The following DACH1 variants were observed in gnomAD, a reference collection of about 807,000 sequenced individuals.
The protein encoded by DACH1 is dachshund family transcription factor 1.
In DACH1, 12 loss-of-function variants were observed where a neutral mutation model predicts 54.2. The observed-to-expected ratio is 0.22, with a 90% CI of 0.14 to 0.36. The LOEUF (loss-of-function observed/expected upper bound fraction) is 0.36, where lower values mean the gene tolerates loss of function less well. Ranked by LOEUF, DACH1 falls within the 10% of genes least tolerant of loss-of-function variation. The probability of loss-of-function intolerance (pLI) is 1.00; values close to 1 mark genes in which losing one functional copy is unlikely to be tolerated. For missense variants in DACH1, 805 were observed against 929.8 expected, an observed-to-expected ratio of 0.87 and a Z score of 1.75; for synonymous variants, 386 against 366.2, an observed-to-expected ratio of 1.05 and a Z score of -0.62.
At chr13:71,839,936 C>G (rs934244010) in intron 1 of DACH1, among the ~76,000 whole-genome samples, 1 of 151,762 alleles carries the variant, frequency 6.6e-6, no homozygotes, top group Non-Finnish European at 1.5e-5. Flanking sequence ...CCACTAAAGC[C>G]GTATTTATTT....
chr13:71,441,702 C>G (rs1284804339), intron 10 of DACH1, among the ~76,000 whole-genome samples: 1 of 151,910 alleles, frequency 6.6e-6, no homozygotes, highest in Non-Finnish European at 1.5e-5. Flanking sequence ...AAAAGATAGT[C>G]TAAATATTTA....
chr13:71,629,002 A>G (rs1245605120), intron 3 of DACH1, among the ~76,000 whole-genome samples: 5 of 152,072 alleles, frequency 3.3e-5, no homozygotes, highest in Admixed American at 1.3e-4. Flanking sequence ...AACAATCCAG[A>G]TTGTTTTGTA....
intron 1 of DACH1, among the ~76,000 whole-genome samples, chr13:71,713,984 G>C (rs1005651081): frequency 6.6e-6 from 1 of 151,940 alleles, no homozygotes; most frequent in African/African-American, 2.4e-5. Context: ...GTAAGGAAAA[G>C]TTATTCTATC....
At chr13:71,793,809 G>A (rs1010808365) in intron 1 of DACH1, among the ~76,000 whole-genome samples, 4 of 152,150 alleles carry the variant, frequency 2.6e-5, no homozygotes, top group African/African-American at 4.8e-5. Context: ...TTACAGGCGT[G>A]AGCCACCATG....
intron 1 of DACH1, among the ~76,000 whole-genome samples, chr13:71,833,717 A>G (rs1272087954): frequency 6.6e-6 from 1 of 152,020 alleles, no homozygotes; most frequent in Non-Finnish European, 1.5e-5. Flanking sequence ...GACGCCACTT[A>G]AAGACCTTCG....
At chr13:71,477,073 T>TTTA (rs781161832) in intron 8 of DACH1, among the ~76,000 whole-genome samples, 8 of 140,460 alleles carry the variant, frequency 5.7e-5, no homozygotes, top group East Asian at 4.1e-4. Flanking sequence ...TAATCCTGTT[T>TTTA]TTATTATTAT....
intron 1 of DACH1, among the ~76,000 whole-genome samples, chr13:71,703,317 T>C (rs1001992182): frequency 2.6e-5 from 4 of 152,194 alleles, no homozygotes; most frequent in African/African-American, 9.6e-5. Flanking sequence ...CAATGACATG[T>C]GAGCAGATGT....
At chr13:71,828,300 G>T (rs1279678691) in intron 1 of DACH1, among the ~76,000 whole-genome samples, 1 of 151,898 alleles carries the variant, frequency 6.6e-6, no homozygotes, top group Admixed American at 6.6e-5. Flanking sequence ...TGCGTTACAG[G>T]GTAACGGAAA....
Position 71,732,923 on chromosome 13 carries a change from C to T in DACH1, c.849-51013G>A, listed in dbSNP as rs550314739. On this transcript the variant is annotated intron_variant, in intron 1 of 10. Coordinates refer to ENST00000613252, the MANE Select transcript of DACH1 (RefSeq NM_080759.6). ...TGGTCTGATTCCAAACTCACTCTAA[C>T]ATCTTCTACCATCAATTCCTTCTCT... Among the ~76,000 whole-genome samples, 5 of 152,222 alleles carry T rather than the reference C, an allele frequency of 3.3e-5. No homozygotes were observed. In the East Asian group the frequency reaches 9.7e-4, roughly 30 times the overall value.
At chr13:71,466,785 G>A (rs1223002893) in intron 10 of DACH1, among the ~76,000 whole-genome samples, 1 of 148,488 alleles carries the variant, frequency 6.7e-6, no homozygotes. Flanking sequence ...AGTTGAGGAT[G>A]CAGTGAGCTG....
chr13:71,820,757 C>T (rs1246797619), intron 1 of DACH1, among the ~76,000 whole-genome samples: 1 of 152,150 alleles, frequency 6.6e-6, no homozygotes, highest in Non-Finnish European at 1.5e-5. Context: ...CTTAGTATGA[C>T]TTCCACGGAG....
At chr13:71,779,528 T>C (rs1886276422) in intron 1 of DACH1, among the ~76,000 whole-genome samples, 1 of 151,968 alleles carries the variant, frequency 6.6e-6, no homozygotes, top group Non-Finnish European at 1.5e-5. Context: ...ACTTTTTGCT[T>C]GTAAAAAGTA....
rs376039070 is a variant in DACH1 at position 71,842,386 on chromosome 13, G to A, written c.848+23536C>T. ...GCCCAGAAGTTCAAGACCAGCCTGG[G>A]CAAAATGGCAAAAACCCCATTTCTA... On this transcript the variant is annotated intron_variant, in intron 1 of 10. Transcript: ENST00000613252. 4.6e-4 allele frequency among the ~76,000 whole-genome samples: 70 copies of A among 150,802 alleles called. 1 individual carries two copies. The highest frequency in any genetic ancestry group is 3.1e-3 in the Admixed American group (46 of 15,074).
chr13:71,678,478 T>C (rs1469064182), intron 2 of DACH1, among the ~76,000 whole-genome samples: 1 of 152,138 alleles, frequency 6.6e-6, no homozygotes, highest in African/African-American at 2.4e-5. Context: ...ACCTAAAATC[T>C]TTGGACTAAT....
intron 6 of DACH1, among the ~76,000 whole-genome samples, chr13:71,500,692 A>G (rs2138231757): frequency 6.6e-6 from 1 of 152,278 alleles, no homozygotes; most frequent in African/African-American, 2.4e-5. Flanking sequence ...TAAAGTGTCA[A>G]TTTAGACGAA....
chr13:71,484,435 G>A (rs948545288), intron 7 of DACH1, among the ~76,000 whole-genome samples: 1 of 152,126 alleles, frequency 6.6e-6, no homozygotes, highest in African/African-American at 2.4e-5. Flanking sequence ...CCAAAGTGCT[G>A]GGATTACAGG....
rs1160518125 is a variant in DACH1, at chr13:71,866,400, C to A, written c.370G>T (p.Ala124Ser). 2 of 1,414,960 alleles carry A rather than the reference C, an allele frequency of 1.4e-6. No homozygotes were observed. 87.7% of individuals were successfully genotyped at this position (1,414,960 alleles called of 1,614,324 possible). A position where few individuals can be genotyped will look rare whatever the true frequency, so the allele number is the denominator to read the frequency against. The change falls in exon 1 of 11, where the codon GCT becomes TCT. Residue 124 changes from alanine (A) to serine (S), a missense_variant. By Grantham distance (99) the Ala-to-Ser change is moderately conservative. This residue lies in a region of DACH1 where 305 missense variants were observed against 308.7 expected (regional missense o/e 0.99). Transcript: ENST00000613252. The stretch of plus-strand genomic sequence containing the variant: ...GTGCTGGAAGCGACGCCGCCGCCAG[C>A]GCTGATGCCGCCGCCGCCGCCGCCG... ...GSGGGGGGIS[A>S]GGGVASSTPI...
At chr13:71,859,079 T>C (rs1566547027) in intron 1 of DACH1, among the ~76,000 whole-genome samples, 1 of 151,786 alleles carries the variant, frequency 6.6e-6, no homozygotes, top group Non-Finnish European at 1.5e-5. Context: ...AATGACATAG[T>C]GAGATTTCCA....
At chr13:71,833,308 A>C (rs1198672407) in intron 1 of DACH1, among the ~76,000 whole-genome samples, 1 of 151,936 alleles carries the variant, frequency 6.6e-6, no homozygotes, top group Non-Finnish European at 1.5e-5. Context: ...AGGCTCATGA[A>C]AGTCTCATAG....
Sources: gnomAD v4.1 joint callset for allele counts (sites outside exome capture counted in the v4.1 genomes callset) on GRCh38, gnomAD v4.1.1 for gene constraint, gnomAD v4.1.1 regional missense constraint, MANE v1.5 for transcripts, NCBI Gene and HGNC (gene_info 2026-07-23, HGNC 2026-07-21) for gene names.